NCOA1: variants seen among roughly 807,000 people sequenced by gnomAD.
The protein encoded by NCOA1 is nuclear receptor coactivator 1.
In NCOA1, 35 loss-of-function variants were observed where a neutral mutation model predicts 150.9. The ratio of observed to expected loss-of-function variants is 0.23; its 90% confidence interval spans 0.18 to 0.31. The LOEUF (loss-of-function observed/expected upper bound fraction) is 0.31, where lower values mean the gene tolerates loss of function less well. Ranked by LOEUF, NCOA1 falls within the 10% of genes least tolerant of loss-of-function variation. The pLI, the probability that NCOA1 is intolerant of heterozygous loss-of-function variation, is 1.00. For synonymous variants in NCOA1, 590 were observed against 630.0 expected, an observed-to-expected ratio of 0.94 and a Z score of 0.95; for missense variants, 1,491 against 1,749.3, an observed-to-expected ratio of 0.85 and a Z score of 2.63.
At chr2:24,654,815 C>T (rs1290729415) in intron 4 of NCOA1, among the ~76,000 whole-genome samples, 1 of 152,006 alleles carries the variant, frequency 6.6e-6, no homozygotes, top group Non-Finnish European at 1.5e-5. Context: ...CAGTTATGCT[C>T]CTGCTTTAAG....
In NCOA1 at chr2:24,544,506, G is replaced by C. The variant is rs375140858; in HGVS notation, c.-395-19789G>C. ...GCCTGTAACCCCAGCACTTTGGAAG[G>C]CCAAGGTGGTGGATTGCTTGAGTTC... On this transcript the variant is annotated intron_variant, in intron 1 of 22. Coordinates refer to ENST00000348332, the MANE Select transcript of NCOA1 (RefSeq NM_003743.5). 5.3e-5 allele frequency among the ~76,000 whole-genome samples: 8 copies of C among 152,272 alleles called. No individual in the cohort carries two copies. In the East Asian group the frequency reaches 1.3e-3, roughly 26 times the overall value.
intron 17 of NCOA1, among the ~76,000 whole-genome samples, chr2:24,731,301 C>T (rs1662998889): frequency 6.6e-6 from 1 of 152,072 alleles, no homozygotes; most frequent in Admixed American, 6.6e-5. Flanking sequence ...AGTGGGTTGC[C>T]TTAATCAAAT....
At chr2:24,752,534 A>G (rs757654182) in intron 20 of NCOA1, among the ~76,000 whole-genome samples, 65 of 152,236 alleles carry the variant, frequency 4.3e-4, no homozygotes, top group Non-Finnish European at 6.3e-4. Context: ...AGTACAGAAA[A>G]GTGATCTAGG....
intron 17 of NCOA1, among the ~76,000 whole-genome samples, chr2:24,735,465 T>C (rs1456335615): frequency 2.6e-5 from 4 of 152,188 alleles, no homozygotes; most frequent in African/African-American, 9.7e-5. Context: ...TACTCAGATA[T>C]ACATTATAGT....
In NCOA1 at chr2:24,711,120, T is replaced by C. The variant is rs765960659; in HGVS notation, c.2599+9T>C. The C allele has an allele frequency of 6.2e-7, 1 of 1,606,130 alleles. No homozygotes were observed. Among genetic ancestry groups the C allele is most frequent in the South Asian group, 1.1e-5 (1 of 90,262 alleles). On this transcript the variant is annotated intron_variant, in intron 14 of 22. Coordinates refer to ENST00000348332, the MANE Select transcript of NCOA1 (RefSeq NM_003743.5). ...CACTTCCAGGCTAAATAGTATGTTC[T>C]GGGGACAACACCTCATTTTAAACGT...
chr2:24,736,381 A>G (rs1462109062), intron 17 of NCOA1, among the ~76,000 whole-genome samples: 1 of 152,214 alleles, frequency 6.6e-6, no homozygotes, highest in Non-Finnish European at 1.5e-5. Flanking sequence ...AGTGAGACAC[A>G]TAAACAAATA....
intron 5 of NCOA1, among the ~76,000 whole-genome samples, chr2:24,664,104 T>C (rs1464320341): frequency 6.6e-6 from 1 of 152,224 alleles, no homozygotes; most frequent in Non-Finnish European, 1.5e-5. Context: ...TGAGGTTCCC[T>C]AAAACCTTGT....
intron 22 of NCOA1, among the ~76,000 whole-genome samples, chr2:24,766,382 C>G (rs1665064813): frequency 6.6e-6 from 1 of 151,956 alleles, no homozygotes; most frequent in Admixed American, 6.6e-5. Context: ...TAAATCACTG[C>G]CTAAAAAAGA....
intron 21 of NCOA1, among the ~76,000 whole-genome samples, chr2:24,760,280 C>T (rs945824629): frequency 6.7e-6 from 1 of 148,976 alleles, no homozygotes; most frequent in African/African-American, 2.5e-5. Flanking sequence ...GCTGGGACTA[C>T]AGGCACCCGC....
Position 24,757,971 on chromosome 2 carries a change from A to G in NCOA1, c.3882-2A>G. On this transcript the variant is annotated splice_acceptor_variant, in intron 20 of 22. Transcript: ENST00000348332. LOFTEE classifies it high-confidence loss of function. ...TAATCTGGATTGTTTTTGAGTTTAC[A>G]GTGTGTTCAGTCAAGCTGTCCAGAA... 1.2e-6 allele frequency: 2 copies of G among 1,613,170 alleles called. No homozygotes were observed. Among genetic ancestry groups the G allele is most frequent in the Non-Finnish European group, 1.7e-6 (2 of 1,179,540 alleles).
chr2:24,685,534 A>G (rs1485341578), intron 8 of NCOA1, among the ~76,000 whole-genome samples: 4 of 152,246 alleles, frequency 2.6e-5, no homozygotes, highest in African/African-American at 4.8e-5. Context: ...TTATAAATTC[A>G]TACCATTTAT....
intron 4 of NCOA1, among the ~76,000 whole-genome samples, chr2:24,654,839 C>T (rs551202238): frequency 6.6e-6 from 1 of 152,192 alleles, no homozygotes; most frequent in South Asian, 2.1e-4. Context: ...CTTCTACCTC[C>T]CCTTGCCAGA....
intron 22 of NCOA1, among the ~76,000 whole-genome samples, chr2:24,765,415 C>T (rs376621563): frequency 5.9e-5 from 9 of 151,540 alleles, no homozygotes; most frequent in Non-Finnish European, 8.8e-5. Context: ...AGGAGAATGG[C>T]GTGAACCTGG....
chr2:24,539,083 AT>A (rs1665283619), intron 1 of NCOA1, among the ~76,000 whole-genome samples: 1 of 152,214 alleles, frequency 6.6e-6, no homozygotes, highest in South Asian at 2.1e-4. Context: ...AACAACCACT[AT>A]TAATAACTTA....
At chr2:24,719,700 G>C (rs2148622061) in intron 14 of NCOA1, among the ~76,000 whole-genome samples, 2 of 152,270 alleles carry the variant, frequency 1.3e-5, no homozygotes, top group East Asian at 3.9e-4. Flanking sequence ...GGAAGCCCAG[G>C]AATGACAGCT....
chr2:24,536,273 G>A (rs535085081), intron 1 of NCOA1, among the ~76,000 whole-genome samples: 187 of 152,244 alleles, frequency 1.2e-3, no homozygotes, highest in Non-Finnish European at 2.3e-3. Context: ...GCGTCACAAA[G>A]TTCTCGTGCC....
chr2:24,747,327 C>CTTTTTTTTTTTTTT (rs148901218), intron 19 of NCOA1, among the ~76,000 whole-genome samples: 3 of 120,170 alleles, frequency 2.5e-5, no homozygotes, highest in Non-Finnish European at 3.5e-5. Context: ...TTATTTTTCT[C>CTTTTTTTTTTTTTT]TTTTTTTTTT....
At chr2:24,590,513 A>G (rs1667612364) in intron 3 of NCOA1, among the ~76,000 whole-genome samples, 1 of 152,186 alleles carries the variant, frequency 6.6e-6, no homozygotes, top group African/African-American at 2.4e-5. Flanking sequence ...AATATTTATC[A>G]ATAAGGTTTT....
chr2:24,630,529 G>GT (rs1289152066), intron 3 of NCOA1, among the ~76,000 whole-genome samples: 3 of 152,178 alleles, frequency 2.0e-5, no homozygotes, highest in Non-Finnish European at 1.5e-5. Context: ...TGAGGCGGTG[G>GT]TTCTCTTTAT....
Sources: allele counts gnomAD v4.1 joint callset (sites outside exome capture counted in the v4.1 genomes callset), GRCh38; gene constraint gnomAD v4.1.1; transcripts MANE v1.5; gene names NCBI Gene and HGNC (gene_info 2026-07-23, HGNC 2026-07-21).